IFTAP: variants seen among roughly 807,000 people sequenced by gnomAD.
The protein encoded by IFTAP is intraflagellar transport associated protein, also known as intraflagellar transport-associated protein.
Under a neutral mutation model 19.4 loss-of-function variants are expected in IFTAP, and 19 were observed. The observed-to-expected ratio is 0.98, with a 90% confidence interval of 0.68 to 1.44. The LOEUF (loss-of-function observed/expected upper bound fraction) is 1.44, where lower values mean the gene tolerates loss of function less well. Among genes scored for constraint, IFTAP ranks in the 40% most tolerant of loss-of-function variants. The pLI, the probability that IFTAP is intolerant of heterozygous loss-of-function variation, is 0.00. For synonymous variants in IFTAP, 85 were observed against 83.5 expected (o/e 1.02, Z -0.10); for missense variants, 240 against 253.6 (o/e 0.95, Z 0.36).
At chr11:36,603,533 G>C (rs981107771) in intron 1 of IFTAP, among the ~76,000 whole-genome samples, 1 of 152,142 alleles carries the variant, frequency 6.6e-6, no homozygotes, top group African/African-American at 2.4e-5. Context: ...ATGCAGCCTT[G>C]GTCCAGGCTT....
intron 2 of IFTAP, among the ~76,000 whole-genome samples, chr11:36,611,240 A>C (rs1366890997): frequency 6.6e-6 from 1 of 151,940 alleles, no homozygotes; most frequent in African/African-American, 2.4e-5. Flanking sequence ...CTTGCTCTCA[A>C]CCTTGATCCT....
At chr11:36,640,985 C>A (rs1230825495) in intron 4 of IFTAP, among the ~76,000 whole-genome samples, 1 of 152,060 alleles carries the variant, frequency 6.6e-6, no homozygotes, top group Non-Finnish European at 1.5e-5. Context: ...TGGAAAATAA[C>A]CTTTGAAAAA....
In IFTAP at chr11:36,659,126, G is replaced by T; in HGVS notation, c.606G>T (p.Glu202Asp). The T allele has an allele frequency of 6.2e-7, 1 of 1,608,646 alleles. No homozygotes were observed. The highest frequency in any genetic ancestry group is 8.5e-7 in the Non-Finnish European group (1 of 1,177,526). The change falls in exon 6 of 6, where the codon GAG becomes GAT. Residue 202 changes from glutamate (E) to aspartate (D), a missense_variant. Physicochemically the swap from Glu to Asp is conservative, Grantham distance 45. Coordinates refer to ENST00000334307, the MANE Select transcript of IFTAP (RefSeq NM_138787.4). Reference protein sequence around the residue: ...FSPAEIENIKELCKQQKRKDT... With the variant: ...FSPAEIENIKDLCKQQKRKDT... ...CTGCAGAGATAGAGAACATCAAAGA[G>T]CTATGCAAGCAGCAGAAGAGAAAGG...
At chr11:36,654,208 G>C (rs1001034703) in intron 5 of IFTAP, among the ~76,000 whole-genome samples, 1 of 152,012 alleles carries the variant, frequency 6.6e-6, no homozygotes, top group African/African-American at 2.4e-5. Flanking sequence ...CAAATCCAGC[G>C]GACACTTTCC....
chr11:36,635,306 A>C (rs1422804864), intron 3 of IFTAP, among the ~76,000 whole-genome samples: 1 of 151,908 alleles, frequency 6.6e-6, no homozygotes, highest in Non-Finnish European at 1.5e-5. Flanking sequence ...TCTTATTTAC[A>C]CTCTTTGATA....
intron 5 of IFTAP, among the ~76,000 whole-genome samples, chr11:36,654,190 A>T (rs1590239154): frequency 6.6e-6 from 1 of 152,128 alleles, no homozygotes; most frequent in Non-Finnish European, 1.5e-5. Flanking sequence ...CAATTGCTTT[A>T]TGATTGCCAA....
chr11:36,596,377 A>C (rs899493118), intron 1 of IFTAP, among the ~76,000 whole-genome samples: 7 of 152,058 alleles, frequency 4.6e-5, no homozygotes, highest in African/African-American at 1.7e-4. Context: ...CAGGTGAGGA[A>C]ATGGTGTCTC....
At chr11:36,629,462 G>A (rs1257192532) in intron 2 of IFTAP, among the ~76,000 whole-genome samples, 1 of 151,378 alleles carries the variant, frequency 6.6e-6, no homozygotes, top group African/African-American at 2.5e-5. Context: ...GTTGCTGGCA[G>A]ATTTGGTTGT....
chr11:36,640,189 G>C (rs1007727253), intron 4 of IFTAP, among the ~76,000 whole-genome samples: 1 of 152,212 alleles, frequency 6.6e-6, no homozygotes, highest in Non-Finnish European at 1.5e-5. Flanking sequence ...GGCAGGTCAT[G>C]TGTTGATGTT....
chr11:36,640,657 A>C lies in IFTAP; in HGVS notation c.358+4540A>C, dbSNP rs541410141. Among the ~76,000 whole-genome samples, 15 of 152,290 alleles carry C rather than the reference A, an allele frequency of 9.8e-5. No individual in the cohort carries two copies. In the South Asian group the frequency reaches 3.1e-3, roughly 32 times the overall value. On this transcript the variant is annotated intron_variant, in intron 4 of 5. Coordinates refer to ENST00000334307, the MANE Select transcript of IFTAP (RefSeq NM_138787.4). ...TAATAGTATTCATTGCCAATGATAA[A>C]ATTGGCAATGGATCAAGCGAAAATT... is the stretch of plus-strand genomic sequence containing the variant.
At chr11:36,636,697 G>T (rs1344849478) in intron 4 of IFTAP, among the ~76,000 whole-genome samples, 1 of 151,888 alleles carries the variant, frequency 6.6e-6, no homozygotes, top group African/African-American at 2.4e-5. Flanking sequence ...CCATTTTTTT[G>T]CTTTTAAAAA....
At chr11:36,596,853 G>A (rs542365740) in intron 1 of IFTAP, among the ~76,000 whole-genome samples, 21 of 152,318 alleles carry the variant, frequency 1.4e-4, no homozygotes, top group Non-Finnish European at 2.4e-4. Context: ...CTTCTCGTAA[G>A]TGAAAACATG....
intron 1 of IFTAP, among the ~76,000 whole-genome samples, chr11:36,598,752 C>T (rs1028346583): frequency 1.3e-5 from 2 of 152,116 alleles, no homozygotes; most frequent in South Asian, 4.1e-4. Flanking sequence ...GTTTTCTTTG[C>T]CAGCTCTGCT....
intron 1 of IFTAP, among the ~76,000 whole-genome samples, chr11:36,602,972 G>A (rs566773617): frequency 1.3e-5 from 2 of 152,278 alleles, no homozygotes; most frequent in African/African-American, 4.8e-5. Flanking sequence ...ATGATAGGGA[G>A]TGAGTGGGGA....
intron 4 of IFTAP, among the ~76,000 whole-genome samples, chr11:36,644,817 A>C (rs1458695667): frequency 1.5e-5 from 2 of 130,450 alleles, no homozygotes; most frequent in Non-Finnish European, 3.1e-5. Context: ...ACTTGGACAC[A>C]GGAAGGGGAA....
At chr11:36,628,662 TTTTC>T (rs1341796652) in intron 2 of IFTAP, among the ~76,000 whole-genome samples, 1 of 151,296 alleles carries the variant, frequency 6.6e-6, no homozygotes, top group Non-Finnish European at 1.5e-5. Flanking sequence ...CAGAATTTTT[TTTTC>T]TGTCTGAAAA....
At chr11:36,624,132 A>C (rs1208947602) in intron 2 of IFTAP, among the ~76,000 whole-genome samples, 3 of 152,150 alleles carry the variant, frequency 2.0e-5, no homozygotes, top group African/African-American at 7.2e-5. Flanking sequence ...GCCTCTTCAA[A>C]TAAAAGTATA....
intron 4 of IFTAP, among the ~76,000 whole-genome samples, chr11:36,646,180 C>T (rs181054930): frequency 1.3e-3 from 203 of 152,276 alleles, no homozygotes; most frequent in Non-Finnish European, 2.2e-3. Context: ...AGTTGTCCTC[C>T]TCACTGCACA....
At chr11:36,608,758 A>G (rs1382161221) in intron 1 of IFTAP, among the ~76,000 whole-genome samples, 1 of 152,180 alleles carries the variant, frequency 6.6e-6, no homozygotes, top group Non-Finnish European at 1.5e-5. Flanking sequence ...TCATCATATC[A>G]GGAGTCTTGT....
Sources: allele counts gnomAD v4.1 joint callset (sites outside exome capture counted in the v4.1 genomes callset), GRCh38; gene constraint gnomAD v4.1.1; transcripts MANE v1.5; gene names NCBI Gene and HGNC (gene_info 2026-07-23, HGNC 2026-07-21).